ACSF3: variants seen among roughly 807,000 people sequenced by gnomAD.
ACSF3 encodes the protein malonate--CoA ligase ACSF3, mitochondrial.
In ACSF3, 78 loss-of-function variants were observed where a neutral mutation model predicts 53.2. The observed-to-expected ratio is 1.47, with a 90% CI of 1.22 to 1.77. The LOEUF is 1.77. Ranked by LOEUF, ACSF3 falls within the 40% of genes most tolerant of loss-of-function variation. The pLI, the probability that ACSF3 is intolerant of heterozygous loss-of-function variation, is 0.00. For missense variants in ACSF3, 937 were observed against 771.1 expected (o/e 1.22, Z -2.55); for synonymous variants, 414 against 333.1 (o/e 1.24, Z -2.65).
At chr16:89,138,591 A>G (rs1420585545) in intron 8 of ACSF3, among the ~76,000 whole-genome samples, 1 of 152,208 alleles carries the variant, frequency 6.6e-6, no homozygotes, top group Non-Finnish European at 1.5e-5. Context: ...TGCCACGCTC[A>G]GCCAGGCTGT....
Position 89,100,677 on chromosome 16 carries a change from G to A in ACSF3, c.-5G>A, listed in dbSNP as rs770158205. The A allele has an allele frequency of 3.4e-6, 5 of 1,484,252 alleles. No individual in the cohort carries two copies. The Admixed American group carries it at 6.3e-5, about 19-fold the overall frequency. The allele number at this position is 1,484,252 out of a possible 1,614,324, so 91.9% of individuals were successfully genotyped here. On this transcript the variant is annotated 5_prime_UTR_variant, in exon 3 of 11. The change creates a new upstream start codon in the 5' untranslated region. Transcript: ENST00000614302. ...CTTTCTCCAGCTCGGCCGCCTGTCAGTGCAATGCTGCCCCATGTGGTGCTC... is the reference window on the plus strand; with the variant it reads ...CTTTCTCCAGCTCGGCCGCCTGTCAATGCAATGCTGCCCCATGTGGTGCTC...
At chr16:89,141,194 C>T (rs1336068626) in intron 8 of ACSF3, 2 of 1,287,088 alleles carry the variant, frequency 1.6e-6, no homozygotes, top group Non-Finnish European at 2.0e-6. Context: ...GGCTCCGATG[C>T]CTCTGAGCCC....
At chr16:89,116,786 C>T (rs757108681) in intron 6 of ACSF3, among the ~76,000 whole-genome samples, 43 of 152,288 alleles carry the variant, frequency 2.8e-4, no homozygotes, top group African/African-American at 6.5e-4. Context: ...GGCCGGCTCC[C>T]GCGTTAGTCT....
chr16:89,142,721 A>G (rs1244212932), intron 8 of ACSF3, among the ~76,000 whole-genome samples: 6 of 150,576 alleles, frequency 4.0e-5, no homozygotes, highest in Admixed American at 4.0e-4. Context: ...GCAGAGACAC[A>G]GCCACACCTA....
chr16:89,094,243 C>G (rs1270372295), intron 1 of ACSF3, among the ~76,000 whole-genome samples: 2 of 152,050 alleles, frequency 1.3e-5, no homozygotes, highest in Non-Finnish European at 1.5e-5. Context: ...GACGCCGGGC[C>G]CGGTGATACC....
Position 89,155,820 on chromosome 16 carries a change from A to G in ACSF3, c.*1613A>G, listed in dbSNP as rs191644580. 32 of 453,290 alleles carry G rather than the reference A, an allele frequency of 7.1e-5. No individual in the cohort carries two copies. The East Asian group carries it at 2.2e-3, about 31-fold the overall frequency. The allele number at this position is 453,290 out of a possible 1,614,324, so 28.1% of individuals were successfully genotyped here. A position where few individuals can be genotyped will look rare whatever the true frequency, so the allele number is the denominator to read the frequency against. On this transcript the variant is annotated 3_prime_UTR_variant, in exon 11 of 11. Coordinates refer to ENST00000614302, the MANE Select transcript of ACSF3 (RefSeq NM_001243279.3). ...GAAACTTTTGATTCCTAAAAAGCTT[A>G]CATAATCATTTGCTTTATCCGATAG... is the stretch of plus-strand genomic sequence containing the variant.
intron 7 of ACSF3, among the ~76,000 whole-genome samples, chr16:89,125,446 A>C (rs1425942945): frequency 1.3e-5 from 2 of 152,058 alleles, no homozygotes; most frequent in Non-Finnish European, 2.9e-5. Flanking sequence ...TATTCCCAGC[A>C]TTTTGGGAGG....
intron 10 of ACSF3, chr16:89,153,721 G>A: frequency 2.9e-6 from 1 of 343,408 alleles, no homozygotes. Flanking sequence ...GCCACAGAGT[G>A]AAATGGGGCC....
intron 10 of ACSF3, chr16:89,150,652 C>A (rs1913918238): frequency 3.8e-6 from 1 of 266,048 alleles, no homozygotes; most frequent in Non-Finnish European, 7.4e-6. Flanking sequence ...ACTTGAGGGC[C>A]CGCTGAGGAG....
chr16:89,103,392 C>A (rs1291354358), intron 4 of ACSF3, among the ~76,000 whole-genome samples: 1 of 152,262 alleles, frequency 6.6e-6, no homozygotes, highest in Non-Finnish European at 1.5e-5. Flanking sequence ...AGGGCAAAGT[C>A]CGTTCCTGCC....
At chr16:89,145,222 G>A (rs368562558) in intron 8 of ACSF3, 45 bp from the exon 9 acceptor site, 20 of 1,613,670 alleles carry the variant, frequency 1.2e-5, no homozygotes, top group African/African-American at 1.2e-4. Context: ...AGGGGACACC[G>A]TGGTGTTTAA....
chr16:89,100,874 C>T lies in ACSF3; in HGVS notation c.193C>T (p.Arg65Cys), dbSNP rs774117419. The change falls in exon 3 of 11, where the codon CGC (arginine) becomes TGC (cysteine). Residue 65 changes from arginine to cysteine, a missense_variant. Transcript: ENST00000614302. The stretch of plus-strand genomic sequence containing the variant: ...AATCGCCCTGGTTGACCAGCACGGC[C>T]GCCACACGTACAGGGAGCTTTATTC... ...DRIALVDQHG[R>C]HTYRELYSRS... The T allele has an allele frequency of 1.5e-5, 24 of 1,613,608 alleles. No individual in the cohort carries two copies. Among genetic ancestry groups the T allele is most frequent in the East Asian group, 2.2e-5 (1 of 44,896 alleles).
At position 89,114,403 on chromosome 16, in the gene ACSF3, G is replaced by A. The variant is rs1447919153; in HGVS notation, c.1042G>A (p.Gly348Ser). The change falls in exon 6 of 11, where the codon GGC becomes AGC. Residue 348 changes from glycine to serine, a missense_variant. Transcript: ENST00000614302. ...GCTGGAGAAGTGGAAGAACATCACGGGCCACACCCTGCTGGAGCGGTATGG... is the reference window on the plus strand; with the variant it reads ...GCTGGAGAAGTGGAAGAACATCACGAGCCACACCCTGCTGGAGCGGTATGG... ...PVLEKWKNIT[G>S]HTLLERYGMT... is the part of the protein sequence containing the mutation. 4.3e-6 allele frequency: 7 copies of A among 1,613,922 alleles called. No homozygotes were observed. Among genetic ancestry groups the A allele is most frequent in the Non-Finnish European group, 5.9e-6 (7 of 1,180,042 alleles).
chr16:89,133,125 A>G lies in ACSF3; in HGVS notation c.1240-11A>G. 6.2e-7 allele frequency: 1 copy of G among 1,613,498 alleles called. No homozygotes were observed. The highest frequency in any genetic ancestry group is 8.5e-7 in the Non-Finnish European group (1 of 1,179,984). Reference sequence around the variant, plus strand: ...CCCAGCTCTGACCTCCATGTTCTTCATCCTCCACAGGTGACCCCAGGGTTT... The same window carrying G: ...CCCAGCTCTGACCTCCATGTTCTTCGTCCTCCACAGGTGACCCCAGGGTTT... On this transcript the variant is annotated splice_polypyrimidine_tract_variant and intron_variant, in intron 7 of 10. Transcript: ENST00000614302.
chr16:89,100,942 G>C lies in ACSF3; in HGVS notation c.261G>C (p.Gly87=), dbSNP rs779919537. Residue 87 remains glycine, a synonymous_variant, in exon 3 of 11, where the codon GGG becomes GGC. Transcript: ENST00000614302. The part of the protein sequence containing the change: ...RLSQEICRLC[G]CVGGDLREER... ...CCCAGGAGATCTGCAGGCTCTGCGGGTGTGTCGGCGGGGACCTCCGGGAGG... is the reference window on the plus strand; with the variant it reads ...CCCAGGAGATCTGCAGGCTCTGCGGCTGTGTCGGCGGGGACCTCCGGGAGG... 9.9e-6 allele frequency: 16 copies of C among 1,613,826 alleles called. No homozygotes were observed. The South Asian group carries it at 1.8e-4, about 18-fold the overall frequency.
Position 89,114,433 on chromosome 16 carries a change from A to AC in ACSF3, c.1074dup (p.Glu359ArgfsTer61). On this transcript the variant is annotated frameshift_variant, in exon 6 of 11. Transcript: ENST00000614302. LOFTEE classifies it high-confidence loss of function. ...CACCCTGCTGGAGCGGTATGGCATG[A>AC]CCGAGATCGGCATGGCTCTGTCCGG... 1 of 1,613,606 alleles carries AC rather than the reference A, an allele frequency of 6.2e-7. No homozygotes were observed. The highest frequency in any genetic ancestry group is 1.1e-5 in the South Asian group (1 of 91,074).
rs564804966 is a variant in ACSF3, at chr16:89,155,129, G to A, written c.*922G>A. On this transcript the variant is annotated 3_prime_UTR_variant, in exon 11 of 11. Transcript: ENST00000614302. Reference sequence around the variant, plus strand: ...TGCACCCACGTTGCATTTACTTAGCGGGGCCAATTCAGATGCACAGGGGCC... The same window carrying A: ...TGCACCCACGTTGCATTTACTTAGCAGGGCCAATTCAGATGCACAGGGGCC... The A allele has an allele frequency of 1.6e-4, 71 of 453,994 alleles. No individual in the cohort carries two copies. Among genetic ancestry groups the A allele is most frequent in the Non-Finnish European group, 2.7e-4 (62 of 226,794 alleles). 28.1% of individuals were successfully genotyped at this position (453,994 alleles called of 1,614,324 possible).
intron 8 of ACSF3, among the ~76,000 whole-genome samples, chr16:89,142,546 TGCAGACACACCCACACC>T (rs1911993299): frequency 6.7e-6 from 1 of 149,376 alleles, no homozygotes; most frequent in East Asian, 2.0e-4. Context: ...CACCCACACC[TGCAGACACACCCACACC>T]TGCAGACACA....
At chr16:89,126,169 A>T (rs973885360) in intron 7 of ACSF3, among the ~76,000 whole-genome samples, 1 of 152,210 alleles carries the variant, frequency 6.6e-6, no homozygotes, top group African/African-American at 2.4e-5. Context: ...TGTTAAATTT[A>T]TAAGTAAATG....
Sources: allele counts gnomAD v4.1 joint callset (sites outside exome capture counted in the v4.1 genomes callset), GRCh38; gene constraint gnomAD v4.1.1; transcripts MANE v1.5; gene names NCBI Gene and HGNC (gene_info 2026-07-23, HGNC 2026-07-21).